SFMBT1: variants seen among roughly 807,000 people sequenced by gnomAD.
SFMBT1 encodes Scm like with four mbt domains 1.
SFMBT1 carries 32 observed loss-of-function variants against 108.7 expected under a neutral mutation model. The observed-to-expected ratio is 0.29, with a 90% CI of 0.22 to 0.40. The LOEUF (loss-of-function observed/expected upper bound fraction) is 0.40. Among genes scored for constraint, SFMBT1 ranks in the 10% least tolerant of loss-of-function variants. SFMBT1 has a pLI of 1.00. For missense variants in SFMBT1, 816 were observed against 1,059.6 expected, an observed-to-expected ratio of 0.77 and a Z score of 3.19; for synonymous variants, 348 against 369.5, an observed-to-expected ratio of 0.94 and a Z score of 0.67.
intron 1 of SFMBT1, among the ~76,000 whole-genome samples, chr3:52,998,564 C>T (rs1217941887): frequency 6.7e-6 from 1 of 150,126 alleles, no homozygotes; most frequent in Non-Finnish European, 1.5e-5. Flanking sequence ...CTCGCAGGGT[C>T]CCTCCAGGGT....
chr3:52,985,623 A>G (rs1704878161), intron 1 of SFMBT1, among the ~76,000 whole-genome samples: 1 of 152,176 alleles, frequency 6.6e-6, no homozygotes, highest in Non-Finnish European at 1.5e-5. Context: ...AATAATGAGG[A>G]TATGTTCTGA....
chr3:52,962,808 C>CAAAAAAAAAAAAAAAAAAAAA (rs369325114), intron 2 of SFMBT1, among the ~76,000 whole-genome samples: 1 of 101,408 alleles, frequency 9.9e-6, no homozygotes, highest in African/African-American at 4.0e-5. Flanking sequence ...CTCCCTGTCT[C>CAAAAAAAAAAAAAAAAAAAAA]AAAAAAAAAA....
chr3:52,928,629 T>TAC (rs1702749321), intron 8 of SFMBT1: 4 of 47,044 alleles, frequency 8.5e-5, no homozygotes, highest in East Asian at 2.5e-3. Context: ...CATATATACA[T>TAC]ATATATACAT....
At position 52,995,426 on chromosome 3, in the gene SFMBT1, T is replaced by A. The variant is rs1698289296; in HGVS notation, c.-130-26168A>T. Among the ~76,000 whole-genome samples the A allele has an allele frequency of 1.3e-5, 2 of 150,300 alleles. 1 individual carries two copies. The highest frequency in any genetic ancestry group is 1.3e-4 in the Admixed American group (2 of 14,904). ...TATTTTGAGGCAGGGTCTTGCTCTG[T>A]CGCCAAGTTTGGAATGCAATGGGCA... On this transcript the variant is annotated intron_variant, in intron 1 of 20. Transcript: ENST00000394752.
At chr3:52,951,869 A>G (rs1703606382) in intron 3 of SFMBT1, among the ~76,000 whole-genome samples, 1 of 152,222 alleles carries the variant, frequency 6.6e-6, no homozygotes, top group African/African-American at 2.4e-5. Flanking sequence ...ACAGTGCTGC[A>G]GAGATTTTAT....
intron 2 of SFMBT1, among the ~76,000 whole-genome samples, chr3:52,966,769 C>A (rs1039346245): frequency 1.1e-4 from 17 of 151,444 alleles, no homozygotes; most frequent in African/African-American, 4.1e-4. Flanking sequence ...AATTTTCCTT[C>A]TCTCAAGTGT....
At chr3:52,915,002 ATAACTGGTCAG>A (rs1575368954) in intron 14 of SFMBT1, among the ~76,000 whole-genome samples, 1 of 152,182 alleles carries the variant, frequency 6.6e-6, no homozygotes, top group East Asian at 1.9e-4. Flanking sequence ...CTTACTTCCA[ATAACTGGTCAG>A]TAAAGTGTGG....
intron 1 of SFMBT1, among the ~76,000 whole-genome samples, chr3:52,986,013 G>T (rs537203435): frequency 2.0e-5 from 3 of 151,954 alleles, no homozygotes; most frequent in South Asian, 4.2e-4. Context: ...TGTGGTAGTG[G>T]GCGCCTGTAG....
intron 2 of SFMBT1, among the ~76,000 whole-genome samples, chr3:52,960,862 T>C (rs1703938329): frequency 6.6e-6 from 1 of 152,136 alleles, no homozygotes. Context: ...TCTGGCCGGG[T>C]GCGGTGGCTC....
intron 1 of SFMBT1, among the ~76,000 whole-genome samples, chr3:53,038,933 G>A (rs1322591850): frequency 6.6e-6 from 1 of 152,064 alleles, no homozygotes; most frequent in Non-Finnish European, 1.5e-5. Context: ...AACTGTTCTG[G>A]ACGACATGCT....
chr3:52,982,369 G>C (rs1393483373), intron 1 of SFMBT1, among the ~76,000 whole-genome samples: 1 of 152,156 alleles, frequency 6.6e-6, no homozygotes, highest in Non-Finnish European at 1.5e-5. Flanking sequence ...TGACAACAGA[G>C]CCAATCACAA....
chr3:52,935,946 T>G (rs1161663909), intron 4 of SFMBT1, among the ~76,000 whole-genome samples: 1 of 152,202 alleles, frequency 6.6e-6, no homozygotes, highest in Non-Finnish European at 1.5e-5. Context: ...GTCCCTGTGG[T>G]GACCAGTTGT....
chr3:52,938,769 C>T (rs1703098651), intron 4 of SFMBT1, among the ~76,000 whole-genome samples: 1 of 152,118 alleles, frequency 6.6e-6, no homozygotes, highest in Non-Finnish European at 1.5e-5. Flanking sequence ...CACAGTGTCT[C>T]CCTTACAACC....
At position 52,911,043 on chromosome 3, in the gene SFMBT1, C is replaced by T. The variant is rs1308517760; in HGVS notation, c.1866G>A (p.Lys622=). 6.2e-7 allele frequency: 1 copy of T among 1,614,212 alleles called. No individual in the cohort carries two copies. Among genetic ancestry groups the T allele is most frequent in the East Asian group, 2.2e-5 (1 of 44,878 alleles). The change falls in exon 17 of 21, where the codon AAG becomes AAA. Residue 622 remains lysine, a synonymous_variant. Coordinates refer to ENST00000394752, the MANE Select transcript of SFMBT1 (RefSeq NM_016329.4). Reference sequence around the variant, plus strand: ...TAAGTACAGAACAGTTCTCAGAACACTTATCCAGAACCATCCGTGGACCGA... The same window carrying T: ...TAAGTACAGAACAGTTCTCAGAACATTTATCCAGAACCATCCGTGGACCGA... ...NLFGPRMVLD[K]CSENCSVLTK...
chr3:52,999,545 G>T (rs1419520640), intron 1 of SFMBT1, among the ~76,000 whole-genome samples: 1 of 150,314 alleles, frequency 6.7e-6, no homozygotes, highest in South Asian at 2.1e-4. Context: ...TATCCCTTCA[G>T]CTTCCAGAGG....
At chr3:52,994,426 G>A (rs1000469454) in intron 1 of SFMBT1, among the ~76,000 whole-genome samples, 2 of 148,922 alleles carry the variant, frequency 1.3e-5, no homozygotes, top group Non-Finnish European at 3.0e-5. Flanking sequence ...ACCAACTATT[G>A]AACTATCTTT....
chr3:53,037,094 T>C (rs527807472), intron 1 of SFMBT1, among the ~76,000 whole-genome samples: 4 of 152,224 alleles, frequency 2.6e-5, no homozygotes, highest in Admixed American at 6.5e-5. Context: ...ACAAAGTCAA[T>C]AGAAAGCCAA....
chr3:53,020,079 T>C (rs892927024), intron 1 of SFMBT1, among the ~76,000 whole-genome samples: 5 of 152,022 alleles, frequency 3.3e-5, no homozygotes, highest in Non-Finnish European at 7.4e-5. Flanking sequence ...TTTTTTTTTT[T>C]CTTGCCGTGG....
At chr3:53,031,562 A>T (rs998670783) in intron 1 of SFMBT1, among the ~76,000 whole-genome samples, 6 of 151,772 alleles carry the variant, frequency 4.0e-5, no homozygotes, top group Admixed American at 4.0e-4. Flanking sequence ...ATTTTTTAAA[A>T]ACCTGAACAT....
Sources: gnomAD v4.1 joint callset for allele counts (sites outside exome capture counted in the v4.1 genomes callset) on GRCh38, gnomAD v4.1.1 for gene constraint, MANE v1.5 for transcripts, NCBI Gene and HGNC (gene_info 2026-07-23, HGNC 2026-07-21) for gene names.